The following B4GALNT3 variants were observed in gnomAD, a reference collection of about 807,000 sequenced individuals.
B4GALNT3 encodes beta-1,4-N-acetyl-galactosaminyltransferase 3.
Under a neutral mutation model 120.2 loss-of-function variants are expected in B4GALNT3, and 86 were observed. That is an observed-to-expected ratio of 0.72 (90% CI 0.60 to 0.86). B4GALNT3 has a LOEUF of 0.86. Among genes scored for constraint, B4GALNT3 ranks in the 40% least tolerant of loss-of-function variants. The probability of loss-of-function intolerance (pLI) is 0.00; values close to 1 mark genes in which losing one functional copy is unlikely to be tolerated. For missense variants in B4GALNT3, 1,167 were observed against 1,298.9 expected (o/e 0.90, Z 1.56); for synonymous variants, 518 against 510.4 (o/e 1.01, Z -0.20).
chr12:464,500 G>T (rs1243120483), intron 1 of B4GALNT3, among the ~76,000 whole-genome samples: 1 of 152,114 alleles, frequency 6.6e-6, no homozygotes, highest in African/African-American at 2.4e-5. Flanking sequence ...AGGCATGGTG[G>T]CGCACACCTG....
intron 1 of B4GALNT3, among the ~76,000 whole-genome samples, chr12:488,341 A>G: frequency 6.6e-6 from 1 of 152,238 alleles, no homozygotes; most frequent in Non-Finnish European, 1.5e-5. Flanking sequence ...TTGGATCTAC[A>G]TAAAGAAAAG....
At chr12:501,410 G>C (rs568320978) in intron 1 of B4GALNT3, among the ~76,000 whole-genome samples, 27 of 152,142 alleles carry the variant, frequency 1.8e-4, no homozygotes, top group African/African-American at 6.3e-4. Context: ...TTATACAAAG[G>C]CTTGGAGAAA....
intron 1 of B4GALNT3, among the ~76,000 whole-genome samples, chr12:503,475 T>G (rs1946462954): frequency 6.6e-6 from 1 of 152,234 alleles, no homozygotes; most frequent in Non-Finnish European, 1.5e-5. Context: ...GCATTTTTCC[T>G]GTCTGCATCT....
Position 460,226 on chromosome 12 carries a change from C to A in B4GALNT3, c.-151C>A. ...TCGCGCCCGGAGCATGAGCCCGAGC[C>A]CCGCCGGAGAGCGGCCGGGAGAGAC... On this transcript the variant is annotated 5_prime_UTR_variant, in exon 1 of 20. Coordinates refer to ENST00000266383, the MANE Select transcript of B4GALNT3 (RefSeq NM_173593.4). The surrounding 1 kb of genome is among the most constrained non-coding windows in gnomAD (Gnocchi z 8.0). The A allele has an allele frequency of 3.6e-6, 2 of 554,822 alleles. No homozygotes were observed. Among genetic ancestry groups the A allele is most frequent in the Non-Finnish European group, 4.6e-6 (2 of 437,556 alleles). The allele number at this position is 554,822 out of a possible 1,614,324, so 34.4% of individuals were successfully genotyped here. A position where few individuals can be genotyped will look rare whatever the true frequency, so the allele number is the denominator to read the frequency against.
rs559061010 is a variant in B4GALNT3 at position 460,745 on chromosome 12, G to A, written c.169+200G>A. ...GCGGGGCCGAGCGCAGAATTCCCGA[G>A]CCCGGGCCTGCCCGCCGGCCACGTG... On this transcript the variant is annotated intron_variant, in intron 1 of 19. Transcript: ENST00000266383. The surrounding 1 kb of genome is among the most constrained non-coding windows in gnomAD (Gnocchi z 8.0). Among the ~76,000 whole-genome samples, 4 of 152,246 alleles carry A rather than the reference G, an allele frequency of 2.6e-5. No homozygotes were observed. The East Asian group carries it at 7.8e-4, about 30-fold the overall frequency.
In B4GALNT3 at chr12:558,707, T is replaced by C. The variant is rs776783752; in HGVS notation, c.2761+46T>C. On this transcript the variant is annotated intron_variant, in intron 18 of 19. Coordinates refer to ENST00000266383, the MANE Select transcript of B4GALNT3 (RefSeq NM_173593.4). The stretch of plus-strand genomic sequence containing the variant: ...GGAGGGAGGAAAGACTTCTCTGATC[T>C]TGGCTCTTAACTCCAGAGCTGGGAA... 3.1e-6 allele frequency: 5 copies of C among 1,596,048 alleles called. No homozygotes were observed. The South Asian group carries it at 5.5e-5, about 18-fold the overall frequency.
chr12:505,892 A>G (rs1946492575), intron 1 of B4GALNT3, among the ~76,000 whole-genome samples: 1 of 152,230 alleles, frequency 6.6e-6, no homozygotes, highest in African/African-American at 2.4e-5. Flanking sequence ...AGAGCCCTAG[A>G]TCAGTGACAA....
intron 1 of B4GALNT3, among the ~76,000 whole-genome samples, chr12:472,840 C>A (rs1565587700): frequency 6.6e-6 from 1 of 152,184 alleles, no homozygotes; most frequent in Non-Finnish European, 1.5e-5. Flanking sequence ...GCGTCTATCT[C>A]CAAAACTGCT....
At chr12:555,642 A>G (rs1947142761) in intron 14 of B4GALNT3, among the ~76,000 whole-genome samples, 1 of 151,970 alleles carries the variant, frequency 6.6e-6, no homozygotes, top group Non-Finnish European at 1.5e-5. Context: ...TCTGTTTAGC[A>G]TGTTGAGGAG....
intron 1 of B4GALNT3, among the ~76,000 whole-genome samples, chr12:506,297 A>AG (rs1946496239): frequency 6.6e-6 from 1 of 152,204 alleles, no homozygotes. Context: ...AAGGATCAGG[A>AG]GGTCACTGGG....
At chr12:549,534 A>C (rs1411604916) in intron 9 of B4GALNT3, among the ~76,000 whole-genome samples, 1 of 152,244 alleles carries the variant, frequency 6.6e-6, no homozygotes, top group East Asian at 1.9e-4. Flanking sequence ...TCTTTTTCCG[A>C]GTACGCAACA....
At chr12:527,430 C>A (rs1462546425) in intron 1 of B4GALNT3, among the ~76,000 whole-genome samples, 2 of 152,238 alleles carry the variant, frequency 1.3e-5, no homozygotes, top group Non-Finnish European at 2.9e-5. Context: ...CTGCCTGCAG[C>A]CACAGCCGTT....
rs762118729 is a variant in B4GALNT3 at position 548,196 on chromosome 12, C to T, written c.787-35C>T. 2 of 1,610,824 alleles carry T rather than the reference C, an allele frequency of 1.2e-6. No homozygotes were observed. The highest frequency in any genetic ancestry group is 2.2e-5 in the East Asian group (1 of 44,868). On this transcript the variant is annotated intron_variant, in intron 8 of 19. Transcript: ENST00000266383. The surrounding 1 kb of genome is among the most constrained non-coding windows in gnomAD (Gnocchi z 4.9). ...CCCTGTTGGAAATCCAGCTACCTCC[C>T]ACCTTCTGCATCTACCCTCTCTCTC...
chr12:508,992 G>A (rs1037524070), intron 1 of B4GALNT3, among the ~76,000 whole-genome samples: 1 of 152,214 alleles, frequency 6.6e-6, no homozygotes, highest in Non-Finnish European at 1.5e-5. Context: ...TTGCTGGGGA[G>A]GTGCCCCACT....
chr12:551,979 C>G, intron 11 of B4GALNT3, 84 bp from the exon 12 acceptor site: 1 of 1,088,556 alleles, frequency 9.2e-7, no homozygotes, highest in East Asian at 2.4e-5. Flanking sequence ...GTGATCCCAG[C>G]CAGGGGCAGG....
chr12:559,377 G>A lies in B4GALNT3; in HGVS notation c.2844G>A (p.Glu948=). The change falls in exon 19 of 20, where the codon GAG becomes GAA. Residue 948 remains glutamate, a synonymous_variant. Coordinates refer to ENST00000266383, the MANE Select transcript of B4GALNT3 (RefSeq NM_173593.4). ...LDRIGGMNTK[E]FRDRWGGEDW... ...GGATTGGGGGCATGAACACCAAGGA[G>A]TTCCGAGACCGCTGGGGCGGGGAAG... 1 of 1,614,124 alleles carries A rather than the reference G, an allele frequency of 6.2e-7. No individual in the cohort carries two copies. Among genetic ancestry groups the A allele is most frequent in the Non-Finnish European group, 8.5e-7 (1 of 1,179,968 alleles).
intron 1 of B4GALNT3, among the ~76,000 whole-genome samples, chr12:507,266 T>G (rs74056240): frequency 0.049 from 7,435 of 152,314 alleles, 208 homozygotes; most frequent in East Asian, 0.15. Context: ...TATGGCAACC[T>G]TTTTTCACAT....
chr12:461,474 G>A (rs1328654340), intron 1 of B4GALNT3, among the ~76,000 whole-genome samples: 3 of 152,212 alleles, frequency 2.0e-5, no homozygotes, highest in African/African-American at 7.2e-5. Flanking sequence ...GACAGGGGCC[G>A]TAAAAGATCC....
At position 548,107 on chromosome 12, in the gene B4GALNT3, G is replaced by C. The variant is rs1420129540; in HGVS notation, c.786+5G>C. ...ACCGACCACGTGGAAGTTGCAGTGA[G>C]TTTCCTGCTGCTCCCGCCTCTCCCA... On this transcript the variant is annotated splice_donor_5th_base_variant and intron_variant, in intron 8 of 19. Transcript: ENST00000266383. This position sits in a 1 kb window ranked among gnomAD's most constrained non-coding sequence, Gnocchi z 4.9. 1 of 1,612,850 alleles carries C rather than the reference G, an allele frequency of 6.2e-7. No homozygotes were observed. The highest frequency in any genetic ancestry group is 8.5e-7 in the Non-Finnish European group (1 of 1,179,400).
Sources: gnomAD v4.1 joint callset for allele counts (sites outside exome capture counted in the v4.1 genomes callset) on GRCh38, gnomAD v4.1.1 for gene constraint, Gnocchi (gnomAD v3.1) non-coding constraint, MANE v1.5 for transcripts, NCBI Gene and HGNC (gene_info 2026-07-23, HGNC 2026-07-21) for gene names.